HDGFL3: variants seen among roughly 807,000 people sequenced by gnomAD.
HDGFL3 encodes hepatoma-derived growth factor-related protein 3.
A neutral mutation model predicts 27.6 loss-of-function variants in HDGFL3; 6 were observed. The ratio of observed to expected loss-of-function variants is 0.22; its 90% CI spans 0.12 to 0.43. HDGFL3 has a LOEUF of 0.43. HDGFL3 is among the 20% of genes least tolerant of loss of function. The probability of loss-of-function intolerance (pLI) is 1.00; values close to 1 mark genes in which losing one functional copy is unlikely to be tolerated. For missense variants in HDGFL3, 207 were observed against 250.1 expected (o/e 0.83, Z 1.16); for synonymous variants, 88 against 88.9 (o/e 0.99, Z 0.05).
At chr15:83,141,964 G>A (rs1458039333) in intron 5 of HDGFL3, among the ~76,000 whole-genome samples, 4 of 152,064 alleles carry the variant, frequency 2.6e-5, no homozygotes, top group African/African-American at 9.7e-5. Context: ...AATCAAAACT[G>A]CAGTGACATA....
chr15:83,167,187 T>C (rs1389129484), intron 1 of HDGFL3, among the ~76,000 whole-genome samples: 3 of 152,206 alleles, frequency 2.0e-5, no homozygotes, highest in Middle Eastern at 3.4e-3. Context: ...AGATCTACCA[T>C]GTGAATGGAA....
At chr15:83,195,151 C>T (rs944561140) in intron 1 of HDGFL3, among the ~76,000 whole-genome samples, 6 of 152,138 alleles carry the variant, frequency 3.9e-5, no homozygotes, top group Non-Finnish European at 8.8e-5. Flanking sequence ...CTTTTCCACG[C>T]TCTTTCTTAG....
At chr15:83,127,530 T>C, downstream of HDGFL3, 4 of 1,601,934 alleles carry the variant, frequency 2.5e-6, no homozygotes, top group South Asian at 3.4e-5. Flanking sequence ...GTGTCAATTG[T>C]TGAATATATG....
chr15:83,178,114 CTAT>C (rs2037335080), intron 1 of HDGFL3, among the ~76,000 whole-genome samples: 1 of 152,116 alleles, frequency 6.6e-6, no homozygotes, highest in Non-Finnish European at 1.5e-5. Flanking sequence ...TTGCTTTGAA[CTAT>C]AATAACTGCA....
intron 1 of HDGFL3, among the ~76,000 whole-genome samples, chr15:83,166,652 T>C (rs1273176049): frequency 1.3e-5 from 2 of 152,166 alleles, no homozygotes; most frequent in Admixed American, 1.3e-4. Context: ...AACTGGCTCA[T>C]GGTTCTGCAG....
At chr15:83,181,711 A>G (rs1030444821) in intron 1 of HDGFL3, among the ~76,000 whole-genome samples, 1 of 152,188 alleles carries the variant, frequency 6.6e-6, no homozygotes. Flanking sequence ...CCTGACCCCA[A>G]GTGATCTGCC....
intron 1 of HDGFL3, among the ~76,000 whole-genome samples, chr15:83,203,054 T>C (rs1242613896): frequency 2.0e-5 from 3 of 152,100 alleles, no homozygotes; most frequent in African/African-American, 4.8e-5. Context: ...GGTAAGCATA[T>C]GTAGATTAAG....
chr15:83,190,185 G>A (rs2037494475), intron 1 of HDGFL3, among the ~76,000 whole-genome samples: 1 of 147,598 alleles, frequency 6.8e-6, no homozygotes, highest in Non-Finnish European at 1.5e-5. Context: ...TCCAGCCTGG[G>A]CAACAGAGCT....
intron 1 of HDGFL3, among the ~76,000 whole-genome samples, chr15:83,167,834 C>A (rs2037191931): frequency 6.6e-6 from 1 of 152,158 alleles, no homozygotes; most frequent in Non-Finnish European, 1.5e-5. Flanking sequence ...ACCTAATAGA[C>A]AACCACAGAA....
intron 3 of HDGFL3, among the ~76,000 whole-genome samples, chr15:83,120,359 G>T (rs2035106200): frequency 6.6e-6 from 1 of 152,196 alleles, no homozygotes; most frequent in Admixed American, 6.5e-5. Flanking sequence ...TCTGCCCATG[G>T]TGGCACACCC....
At chr15:83,155,495 A>G (rs1406128300) in intron 4 of HDGFL3, among the ~76,000 whole-genome samples, 1 of 152,254 alleles carries the variant, frequency 6.6e-6, no homozygotes, top group Non-Finnish European at 1.5e-5. Context: ...TGTTTAAATG[A>G]AGTCCAAAAT....
At chr15:83,122,660 C>A in intron 3 of HDGFL3, 1 of 1,424,538 alleles carries the variant, frequency 7.0e-7, no homozygotes, top group Non-Finnish European at 9.5e-7. Context: ...TGGCCCATAG[C>A]AAAATTTTAG....
chr15:83,171,176 T>C (rs914382478), intron 1 of HDGFL3, among the ~76,000 whole-genome samples: 1 of 151,984 alleles, frequency 6.6e-6, no homozygotes, highest in African/African-American at 2.4e-5. Context: ...ATTAGGTCTA[T>C]CTCCTACTGC....
At chr15:83,127,285 C>G, downstream of HDGFL3, 3 of 1,410,010 alleles carry the variant, frequency 2.1e-6, no homozygotes, top group South Asian at 1.7e-5. Flanking sequence ...AAAATGTTTA[C>G]TTTTTTGTAC....
chr15:83,200,334 C>T (rs1404481929), intron 1 of HDGFL3, among the ~76,000 whole-genome samples: 1 of 132,830 alleles, frequency 7.5e-6, no homozygotes, highest in Admixed American at 7.7e-5. Flanking sequence ...GACTCCATCT[C>T]AAAAAAAAAA....
In HDGFL3 at chr15:83,135,015, G is replaced by T. The variant is rs1232715189; in HGVS notation, c.*4255C>A. ...GGTTCTGCCTGGGCATCTACCCAGG[G>T]GAGTTGTATCTGAGGGCCGAGTCCT... On this transcript the variant is annotated 3_prime_UTR_variant, in exon 6 of 6. Transcript: ENST00000299633. The T allele has an allele frequency of 6.6e-6, 1 of 152,182 alleles. No individual in the cohort carries two copies. The highest frequency in any genetic ancestry group is 2.4e-5 in the African/African-American group (1 of 41,440). The allele number at this position is 152,182 out of a possible 1,614,324, so 9.4% of individuals were successfully genotyped here. A position where few individuals can be genotyped will look rare whatever the true frequency, so the allele number is the denominator to read the frequency against.
chr15:83,199,958 T>C (rs752098677), intron 1 of HDGFL3, among the ~76,000 whole-genome samples: 1 of 149,806 alleles, frequency 6.7e-6, no homozygotes, highest in Non-Finnish European at 1.5e-5. Context: ...AGGCAGAGAA[T>C]TGCTTAAACT....
At chr15:83,140,481 G>GTTTT (rs11429826) in intron 5 of HDGFL3, among the ~76,000 whole-genome samples, 19 of 135,744 alleles carry the variant, frequency 1.4e-4, no homozygotes, top group Non-Finnish European at 1.4e-4. Context: ...ACCAAAGAAA[G>GTTTT]TTTTTTTTTT....
chr15:83,181,785 A>T (rs2037384472), intron 1 of HDGFL3, among the ~76,000 whole-genome samples: 1 of 152,116 alleles, frequency 6.6e-6, no homozygotes, highest in African/African-American at 2.4e-5. Context: ...CCTTATAGTC[A>T]CATTTTAAAT....
Sources: allele counts gnomAD v4.1 joint callset (sites outside exome capture counted in the v4.1 genomes callset), GRCh38; gene constraint gnomAD v4.1.1; transcripts MANE v1.5; gene names NCBI Gene and HGNC (gene_info 2026-07-23, HGNC 2026-07-21).